The following GRID2 variants were observed in gnomAD, a reference collection of about 807,000 sequenced individuals.
GRID2 encodes glutamate receptor ionotropic, delta-2.
Under a neutral mutation model 114.8 loss-of-function variants are expected in GRID2, and 33 were observed. The ratio of observed to expected loss-of-function variants is 0.29; its 90% confidence interval spans 0.22 to 0.38. The LOEUF (loss-of-function observed/expected upper bound fraction) is 0.38. Ranked by LOEUF, GRID2 falls within the 10% of genes least tolerant of loss-of-function variation. The probability of loss-of-function intolerance (pLI) is 1.00; values close to 1 mark genes in which losing one functional copy is unlikely to be tolerated. For synonymous variants in GRID2, 505 were observed against 449.9 expected (o/e 1.12, Z -1.55); for missense variants, 1,184 against 1,257.7 (o/e 0.94, Z 0.89).
intron 2 of GRID2, among the ~76,000 whole-genome samples, chr4:92,593,292 C>T (rs928858316): frequency 1.3e-5 from 2 of 151,852 alleles, no homozygotes; most frequent in East Asian, 3.9e-4. Context: ...GCTTGAAATC[C>T]TCAATTTATT....
chr4:92,995,257 C>T (rs1329197895), intron 2 of GRID2, among the ~76,000 whole-genome samples: 2 of 152,032 alleles, frequency 1.3e-5, no homozygotes, highest in Non-Finnish European at 2.9e-5. Flanking sequence ...CTTCTTTATT[C>T]TCTCTCTCCC....
intron 13 of GRID2, among the ~76,000 whole-genome samples, chr4:93,588,073 A>C (rs1578325431): frequency 6.6e-6 from 1 of 152,280 alleles, no homozygotes; most frequent in Non-Finnish European, 1.5e-5. Flanking sequence ...TTAACATGTA[A>C]GGTAGTATGA....
At chr4:92,393,566 G>T (rs1218193155) in intron 1 of GRID2, among the ~76,000 whole-genome samples, 1 of 152,038 alleles carries the variant, frequency 6.6e-6, no homozygotes, top group Non-Finnish European at 1.5e-5. Context: ...ATTATGTAAG[G>T]AAATATTTGC....
At chr4:93,739,176 C>T (rs1055436012) in intron 14 of GRID2, among the ~76,000 whole-genome samples, 3 of 151,982 alleles carry the variant, frequency 2.0e-5, no homozygotes, top group Non-Finnish European at 4.4e-5. Flanking sequence ...TAAGGCCAAA[C>T]CATTTCTTTA....
At chr4:93,339,978 C>T (rs2196079) in intron 8 of GRID2, among the ~76,000 whole-genome samples, 59,260 of 151,954 alleles carry the variant, frequency 0.39, 12,313 homozygotes, top group East Asian at 0.68. Context: ...CTCCACCTGG[C>T]CTTTCCCTTG....
intron 9 of GRID2, among the ~76,000 whole-genome samples, chr4:93,415,471 C>T (rs1449832540): frequency 6.6e-6 from 1 of 152,088 alleles, no homozygotes; most frequent in East Asian, 1.9e-4. Context: ...TGGTATTTTT[C>T]AGTTCCTAAA....
At chr4:93,202,912 A>G (rs1187583523) in intron 4 of GRID2, among the ~76,000 whole-genome samples, 2 of 152,114 alleles carry the variant, frequency 1.3e-5, no homozygotes, top group Admixed American at 1.3e-4. Flanking sequence ...AGTGATATGC[A>G]TATAAGTGCA....
chr4:93,442,574 G>A (rs1359073966), intron 10 of GRID2, among the ~76,000 whole-genome samples: 1 of 151,938 alleles, frequency 6.6e-6, no homozygotes, highest in African/African-American at 2.4e-5. Context: ...TGTTCTTCAA[G>A]AGCTAAGCAG....
At position 93,589,401 on chromosome 4, in the gene GRID2, C is replaced by G. The variant is rs1347180510; in HGVS notation, c.2194-36868C>G. ...ATGAACTCATCATTTTTTATGGCTG[C>G]ATAGTATTCCATGGTGTATATGTGC... is the stretch of plus-strand genomic sequence containing the variant. On this transcript the variant is annotated intron_variant, in intron 13 of 15. Transcript: ENST00000282020. Among the ~76,000 whole-genome samples, 4 of 151,902 alleles carry G rather than the reference C, an allele frequency of 2.6e-5. No individual in the cohort carries two copies. The East Asian group carries it at 7.7e-4, about 29-fold the overall frequency.
chr4:93,694,827 G>A (rs899530343), intron 14 of GRID2, among the ~76,000 whole-genome samples: 6 of 152,022 alleles, frequency 3.9e-5, no homozygotes, highest in African/African-American at 1.4e-4. Flanking sequence ...ATAATTACCC[G>A]GAAATGCTCA....
chr4:93,560,352 A>G (rs1426553241), intron 13 of GRID2, among the ~76,000 whole-genome samples: 4 of 151,052 alleles, frequency 2.6e-5, no homozygotes, highest in Non-Finnish European at 4.4e-5. Flanking sequence ...ACAACTGCTT[A>G]TCTTCTGGGG....
chr4:93,205,221 T>A (rs2149466372), intron 4 of GRID2, among the ~76,000 whole-genome samples: 1 of 152,230 alleles, frequency 6.6e-6, no homozygotes, highest in East Asian at 1.9e-4. Context: ...GTGTTTTTTT[T>A]TTATTTTTTT....
At chr4:92,830,241 A>G (rs997904002) in intron 2 of GRID2, among the ~76,000 whole-genome samples, 1 of 152,004 alleles carries the variant, frequency 6.6e-6, no homozygotes, top group African/African-American at 2.4e-5. Context: ...GCTAAGAACA[A>G]TAAATTATTT....
intron 5 of GRID2, among the ~76,000 whole-genome samples, chr4:93,215,638 C>T (rs1744122689): frequency 6.6e-6 from 1 of 150,556 alleles, no homozygotes; most frequent in African/African-American, 2.4e-5. Flanking sequence ...TGATGGGAGG[C>T]ATCATTTTAT....
chr4:92,537,062 A>C (rs1579538360), intron 1 of GRID2, among the ~76,000 whole-genome samples: 1 of 152,300 alleles, frequency 6.6e-6, no homozygotes, highest in Non-Finnish European at 1.5e-5. Context: ...AATAGGCTTA[A>C]CCAAGCATGA....
intron 4 of GRID2, among the ~76,000 whole-genome samples, chr4:93,149,758 C>T (rs1422133714): frequency 6.6e-6 from 1 of 151,892 alleles, no homozygotes; most frequent in Non-Finnish European, 1.5e-5. Context: ...CTCAGCCTCC[C>T]GAGTAGCTTG....
chr4:93,188,927 C>G (rs916669449), intron 4 of GRID2, among the ~76,000 whole-genome samples: 4 of 152,154 alleles, frequency 2.6e-5, no homozygotes, highest in African/African-American at 9.7e-5. Context: ...ATCAGAATGA[C>G]CTTTATCATA....
At chr4:93,138,253 G>C (rs1735452605) in intron 4 of GRID2, among the ~76,000 whole-genome samples, 1 of 152,046 alleles carries the variant, frequency 6.6e-6, no homozygotes. Flanking sequence ...GGGATTACAA[G>C]TGTGAGCCAA....
intron 2 of GRID2, among the ~76,000 whole-genome samples, chr4:92,950,543 A>T (rs939560651): frequency 6.6e-6 from 1 of 152,142 alleles, no homozygotes. Flanking sequence ...CATTCATTTC[A>T]GAATTAGTAC....
Sources: gnomAD v4.1 joint callset for allele counts (sites outside exome capture counted in the v4.1 genomes callset) on GRCh38, gnomAD v4.1.1 for gene constraint, MANE v1.5 for transcripts, NCBI Gene and HGNC (gene_info 2026-07-23, HGNC 2026-07-21) for gene names.